Variants in GRID1 observed in about 807,000 individuals in gnomAD.
The protein encoded by GRID1 is glutamate ionotropic receptor delta type subunit 1, also known as glutamate receptor ionotropic, delta-1.
A neutral mutation model predicts 98.0 loss-of-function variants in GRID1; 28 were observed. The ratio of observed to expected loss-of-function variants is 0.29; its 90% CI spans 0.21 to 0.39. GRID1 has a LOEUF of 0.39. GRID1 is among the 10% of genes least tolerant of loss of function. The pLI is 1.00. For missense variants in GRID1, 1,111 were observed against 1,340.5 expected (o/e 0.83, Z 2.67); for synonymous variants, 553 against 538.5 (o/e 1.03, Z -0.37).
At chr10:85,792,494 G>T (rs949820752) in intron 8 of GRID1, among the ~76,000 whole-genome samples, 4 of 152,184 alleles carry the variant, frequency 2.6e-5, no homozygotes, top group Non-Finnish European at 5.9e-5. Context: ...TTTCTTGCTG[G>T]AATGATTTGT....
chr10:86,221,420 C>G (rs1332242994), intron 2 of GRID1, among the ~76,000 whole-genome samples: 1 of 152,186 alleles, frequency 6.6e-6, no homozygotes, highest in Non-Finnish European at 1.5e-5. Context: ...TCAAGCACGC[C>G]GTGCTGGGAA....
At chr10:86,282,240 C>T (rs184639909) in intron 2 of GRID1, among the ~76,000 whole-genome samples, 1 of 152,338 alleles carries the variant, frequency 6.6e-6, no homozygotes, top group Non-Finnish European at 1.5e-5. Context: ...CCATCCCAGC[C>T]TCCAAAGGTA....
intron 4 of GRID1, among the ~76,000 whole-genome samples, chr10:85,956,302 TAATTGGCTGTGCCA>T (rs1226931548): frequency 6.6e-6 from 1 of 152,186 alleles, no homozygotes; most frequent in Non-Finnish European, 1.5e-5. Context: ...CTTGAATCTC[TAATTGGCTGTGCCA>T]ACTCCCTTTC....
intron 3 of GRID1, among the ~76,000 whole-genome samples, chr10:86,183,856 A>G (rs1326185846): frequency 6.6e-6 from 1 of 152,244 alleles, no homozygotes; most frequent in Non-Finnish European, 1.5e-5. Flanking sequence ...AGTTTGTCAA[A>G]CTGGTAGTGC....
chr10:85,657,970 AAAT>A (rs1840921634), intron 12 of GRID1, among the ~76,000 whole-genome samples: 4 of 152,170 alleles, frequency 2.6e-5, no homozygotes, highest in Admixed American at 1.3e-4. Flanking sequence ...CAACACCCGC[AAAT>A]ATTTGCTGCC....
At chr10:86,261,189 G>T (rs1334519690) in intron 2 of GRID1, among the ~76,000 whole-genome samples, 4 of 152,226 alleles carry the variant, frequency 2.6e-5, no homozygotes, top group Non-Finnish European at 5.9e-5. Flanking sequence ...GGAAACTGAG[G>T]CTTACACAAG....
At chr10:85,769,507 C>T (rs542130695) in intron 8 of GRID1, among the ~76,000 whole-genome samples, 18 of 152,254 alleles carry the variant, frequency 1.2e-4, no homozygotes, top group South Asian at 6.2e-4. Flanking sequence ...ATGTGCGAGC[C>T]GAAGCAGGGC....
intron 8 of GRID1, among the ~76,000 whole-genome samples, chr10:85,838,900 C>G (rs1249217111): frequency 2.0e-5 from 3 of 152,000 alleles, no homozygotes; most frequent in African/African-American, 7.3e-5. Flanking sequence ...TCAAGAGACC[C>G]ATCTCACATG....
intron 12 of GRID1, among the ~76,000 whole-genome samples, chr10:85,699,386 G>C (rs1409057233): frequency 6.6e-6 from 1 of 152,046 alleles, no homozygotes; most frequent in African/African-American, 2.4e-5. Flanking sequence ...CTTTGTATAT[G>C]TTGGATAACA....
intron 8 of GRID1, among the ~76,000 whole-genome samples, chr10:85,796,833 C>A (rs1842529940): frequency 6.6e-6 from 1 of 152,078 alleles, no homozygotes; most frequent in South Asian, 2.1e-4. Context: ...AACATTAAAT[C>A]TGAAATTTTA....
At chr10:86,029,474 T>C (rs970040848) in intron 4 of GRID1, among the ~76,000 whole-genome samples, 5 of 152,236 alleles carry the variant, frequency 3.3e-5, no homozygotes, top group Admixed American at 2.6e-4. Flanking sequence ...AAAGGCCTAA[T>C]AATCATTCTT....
chr10:86,155,673 G>A (rs114245531), intron 3 of GRID1, among the ~76,000 whole-genome samples: 100 of 152,286 alleles, frequency 6.6e-4, no homozygotes, highest in Middle Eastern at 3.4e-3. Context: ...CCCCATTCTC[G>A]TCTCCACTCC....
At chr10:86,007,800 G>GT (rs965634164) in intron 4 of GRID1, among the ~76,000 whole-genome samples, 163 of 149,636 alleles carry the variant, frequency 1.1e-3, no homozygotes, top group African/African-American at 3.6e-3. Flanking sequence ...CCTCAGTTTT[G>GT]TTTTTTTTGT....
intron 3 of GRID1, among the ~76,000 whole-genome samples, chr10:86,167,025 C>A (rs1240729849): frequency 1.3e-5 from 2 of 152,224 alleles, no homozygotes; most frequent in African/African-American, 4.8e-5. Flanking sequence ...GGAGCACCCC[C>A]CACCCAGCCC....
chr10:85,605,040 G>A (rs1842641210), intron 15 of GRID1, among the ~76,000 whole-genome samples: 1 of 152,194 alleles, frequency 6.6e-6, no homozygotes, highest in Admixed American at 6.5e-5. Context: ...GAAAGCAGCA[G>A]GTGCTTCATC....
chr10:85,700,443 A>G (rs933205011), intron 12 of GRID1, among the ~76,000 whole-genome samples: 2 of 152,176 alleles, frequency 1.3e-5, no homozygotes, highest in Admixed American at 1.3e-4. Flanking sequence ...CTCTGGGCCA[A>G]ATATGATCTT....
intron 12 of GRID1, among the ~76,000 whole-genome samples, chr10:85,691,139 A>C (rs1306958416): frequency 6.6e-6 from 1 of 152,238 alleles, no homozygotes; most frequent in African/African-American, 2.4e-5. Flanking sequence ...ACAGCCAGCA[A>C]GCCACTGTGC....
At chr10:85,808,934 G>A (rs1842645392) in intron 8 of GRID1, among the ~76,000 whole-genome samples, 1 of 151,940 alleles carries the variant, frequency 6.6e-6, no homozygotes, top group African/African-American at 2.4e-5. Flanking sequence ...GAACAGACCA[G>A]CATTTAAAAA....
chr10:86,065,001 C>T (rs986799951), intron 4 of GRID1, among the ~76,000 whole-genome samples: 4 of 152,188 alleles, frequency 2.6e-5, no homozygotes, highest in Non-Finnish European at 1.5e-5. Flanking sequence ...AACGCTCATC[C>T]CACATTACCA....
Sources: allele counts gnomAD v4.1 joint callset (sites outside exome capture counted in the v4.1 genomes callset), GRCh38; gene constraint gnomAD v4.1.1; transcripts MANE v1.5; gene names NCBI Gene and HGNC (gene_info 2026-07-23, HGNC 2026-07-21).